Variants in LIMK1 observed in about 807,000 individuals in gnomAD.
LIMK1 encodes the protein LIM motif-containing protein kinase.
A neutral mutation model predicts 77.6 loss-of-function variants in LIMK1; 21 were observed. The observed-to-expected ratio is 0.27, with a 90% confidence interval of 0.19 to 0.39. The LOEUF (loss-of-function observed/expected upper bound fraction) is 0.39. LIMK1 is among the 10% of genes least tolerant of loss of function. The pLI is 1.00. For synonymous variants in LIMK1, 358 were observed against 370.0 expected, an observed-to-expected ratio of 0.97 and a Z score of 0.37; for missense variants, 696 against 901.6, an observed-to-expected ratio of 0.77 and a Z score of 2.92.
chr7:74,093,095 A>C, intron 2 of LIMK1: 5 of 1,401,398 alleles, frequency 3.6e-6, no homozygotes, highest in Non-Finnish European at 4.6e-6. Flanking sequence ...CCTGGCACCC[A>C]CGCGGCTGCA....
rs1378499649 is a variant in LIMK1 at position 74,099,140 on chromosome 7, C to T, written c.510C>T (p.Ala170=). 5 of 1,613,802 alleles carry T rather than the reference C, an allele frequency of 3.1e-6. No homozygotes were observed. The highest frequency in any genetic ancestry group is 4.2e-6 in the Non-Finnish European group (5 of 1,180,028). Residue 170 remains alanine (A), a synonymous_variant, in exon 5 of 16, where the codon GCC becomes GCT. Coordinates refer to ENST00000336180, the MANE Select transcript of LIMK1 (RefSeq NM_002314.4). ...PHTVTLVSIP[A]SSHGKRGLSV... ...CCGTCACCCTGGTGTCCATCCCAGCCTCATCTCATGGCAAGCGTGGACTTT... is the reference window on the plus strand; with the variant it reads ...CCGTCACCCTGGTGTCCATCCCAGCTTCATCTCATGGCAAGCGTGGACTTT...
In LIMK1 at chr7:74,121,223, G is replaced by A. The variant is rs782108038; in HGVS notation, c.1866G>A (p.Glu622=). The A allele has an allele frequency of 1.9e-5, 31 of 1,613,762 alleles. No homozygotes were observed. The highest frequency in any genetic ancestry group is 2.5e-5 in the Non-Finnish European group (29 of 1,179,972). Residue 622 remains glutamate (E), a synonymous_variant, in exon 16 of 16, where the codon GAG becomes GAA. Transcript: ENST00000336180. The stretch of plus-strand genomic sequence containing the variant: ...ACCTGCCACTGGGCCCACAGCTGGA[G>A]CAGCTGGACAGAGGTTTCTGGGAGA... ...AGHLPLGPQL[E]QLDRGFWETY...
At chr7:74,121,096 C>G in intron 15 of LIMK1, 43 bp from the exon 16 acceptor site, 1 of 1,600,032 alleles carries the variant, frequency 6.2e-7, no homozygotes, top group South Asian at 1.1e-5. Flanking sequence ...GGCCGATTCC[C>G]GGGACAGCCA....
chr7:74,107,986 C>T, intron 9 of LIMK1, 29 bp downstream of exon 9: 1 of 1,480,022 alleles, frequency 6.8e-7, no homozygotes. Context: ...CTCTTCCCTC[C>T]AGAGGGACTT....
intron 13 of LIMK1, among the ~76,000 whole-genome samples, chr7:74,116,890 AT>A (rs1183418279): frequency 1.5e-4 from 22 of 148,038 alleles, no homozygotes; most frequent in African/African-American, 4.7e-4. Context: ...TTTATTTTTT[AT>A]TTTTTTTTGA....
chr7:74,102,484 C>CTGTTTTTTTTTTTTTTTTTTTTTTTT (rs1554696729), intron 5 of LIMK1, among the ~76,000 whole-genome samples: 1 of 54,068 alleles, frequency 1.8e-5, no homozygotes, highest in Non-Finnish European at 3.5e-5. Context: ...AGGACCTTCT[C>CTGTTTTTTTTTTTTTTTTTTTTTTTT]TTTTTTTTTT....
intron 14 of LIMK1, 90 bp downstream of exon 14, chr7:74,120,728 T>C: frequency 2.6e-6 from 4 of 1,558,518 alleles, no homozygotes; most frequent in Non-Finnish European, 3.5e-6. Flanking sequence ...AGGGGCCTCA[T>C]GCCAGGAAGC....
At chr7:74,116,797 G>A (rs912429880) in intron 13 of LIMK1, among the ~76,000 whole-genome samples, 4 of 151,578 alleles carry the variant, frequency 2.6e-5, no homozygotes, top group Admixed American at 2.6e-4. Context: ...AACCTTCTGG[G>A]CTCAAACTGT....
rs1229097225 is a variant in LIMK1 at position 74,121,059 on chromosome 7, G to C, written c.1781+10G>C. ...TGGACCCCGAGAAGAGGTGAGTGGG[G>C]TGGGGCCCTGGCCTGGGAGACGGTG... On this transcript the variant is annotated intron_variant, in intron 15 of 15. Transcript: ENST00000336180. The C allele has an allele frequency of 6.3e-7, 1 of 1,594,686 alleles. No homozygotes were observed. Among genetic ancestry groups the C allele is most frequent in the Non-Finnish European group, 8.6e-7 (1 of 1,168,642 alleles).
Position 74,096,199 on chromosome 7 carries a change from A to G in LIMK1, c.153-423A>G, listed in dbSNP as rs547694082. Among the ~76,000 whole-genome samples, 545 of 151,372 alleles carry G rather than the reference A, an allele frequency of 3.6e-3. 2 individuals are homozygous for G. Among genetic ancestry groups the G allele is most frequent in the Non-Finnish European group, 5.1e-3 (344 of 67,768 alleles). ...AGGCTGGTCTCAGACTCCTGACCCCAAGTGATCTGCCCACCTCGGCCTCCC... is the reference window on the plus strand; with the variant it reads ...AGGCTGGTCTCAGACTCCTGACCCCGAGTGATCTGCCCACCTCGGCCTCCC... On this transcript the variant is annotated intron_variant, in intron 2 of 15. Transcript: ENST00000336180.
chr7:74,115,059 A>G (rs1280218842), intron 12 of LIMK1, among the ~76,000 whole-genome samples: 1 of 152,042 alleles, frequency 6.6e-6, no homozygotes, highest in Non-Finnish European at 1.5e-5. Flanking sequence ...CCCTATCTCA[A>G]TCAGTCAATC....
chr7:74,095,968 C>CTTTTTTTTTTTTTTTTTTTTTT (rs869065672), intron 2 of LIMK1, among the ~76,000 whole-genome samples: 1 of 127,232 alleles, frequency 7.9e-6, no homozygotes, highest in African/African-American at 3.3e-5. Flanking sequence ...TTTTCTTTTT[C>CTTTTTTTTTTTTTTTTTTTTTT]TTTTTTTTTT....
intron 2 of LIMK1, among the ~76,000 whole-genome samples, chr7:74,092,811 C>G (rs782251810): frequency 1.3e-5 from 2 of 152,192 alleles, no homozygotes; most frequent in African/African-American, 2.4e-5. Context: ...GACAAACTGT[C>G]CATAGGAAGT....
chr7:74,088,550 C>A (rs1224414746), intron 2 of LIMK1, among the ~76,000 whole-genome samples: 3 of 152,038 alleles, frequency 2.0e-5, no homozygotes, highest in Non-Finnish European at 4.4e-5. Flanking sequence ...CCCGTAATCC[C>A]AGCACTTTGG....
chr7:74,105,223 G>T (rs1216912706), intron 5 of LIMK1, among the ~76,000 whole-genome samples: 1 of 152,148 alleles, frequency 6.6e-6, no homozygotes, highest in Non-Finnish European at 1.5e-5. Flanking sequence ...CCAACTGTTG[G>T]GATTACAGGT....
intron 2 of LIMK1, chr7:74,093,387 G>C: frequency 6.8e-7 from 1 of 1,470,694 alleles, no homozygotes; most frequent in African/African-American, 1.4e-5. Context: ...ACCCACCTAG[G>C]TCCAGGCTCT....
intron 1 of LIMK1, 80 bp from the exon 2 acceptor site, chr7:74,085,668 G>T: frequency 9.3e-7 from 1 of 1,080,276 alleles, no homozygotes; most frequent in Non-Finnish European, 1.4e-6. Flanking sequence ...GTAGGTATAT[G>T]TGGGGTGGGC....
At chr7:74,108,049 C>G (rs1481282599) in intron 9 of LIMK1, 92 bp downstream of exon 9, 1 of 924,512 alleles carries the variant, frequency 1.1e-6, no homozygotes, top group Non-Finnish European at 1.7e-6. Flanking sequence ...GCTCTGGGAA[C>G]CATTGAAAGA....
At chr7:74,085,718 A>C in intron 1 of LIMK1, 30 bp from the exon 2 acceptor site, 1 of 1,537,094 alleles carries the variant, frequency 6.5e-7, no homozygotes, top group Non-Finnish European at 8.8e-7. Context: ...CTTCCTGAGA[A>C]TGCTTCCCAA....
Sources: gnomAD v4.1 joint callset for allele counts (sites outside exome capture counted in the v4.1 genomes callset) on GRCh38, gnomAD v4.1.1 for gene constraint, MANE v1.5 for transcripts, NCBI Gene and HGNC (gene_info 2026-07-23, HGNC 2026-07-21) for gene names.